DACH2: variants seen among roughly 807,000 people sequenced by gnomAD.
DACH2 encodes the protein dachshund family transcription factor 2, also known as dachshund homolog 2.
DACH2 carries 17 observed loss-of-function variants against 35.8 expected under a neutral mutation model. The observed-to-expected ratio is 0.48, with a 90% CI of 0.33 to 0.71. The LOEUF is 0.71. Among genes scored for constraint, DACH2 ranks in the 30% least tolerant of loss-of-function variants. The pLI is 0.02. For synonymous variants in DACH2, 195 were observed against 177.3 expected, an observed-to-expected ratio of 1.10 and a Z score of -0.79; for missense variants, 469 against 472.7, an observed-to-expected ratio of 0.99 and a Z score of 0.07.
chrX:86,375,210 T>C (rs1277178076), intron 1 of DACH2, among the ~76,000 whole-genome samples: 2 of 107,456 alleles, frequency 1.9e-5, no homozygotes, highest in African/African-American at 3.4e-5. Context: ...TATATATTCA[T>C]TGAATAATTC....
At chrX:86,187,781 G>C (rs1287158462) in intron 1 of DACH2, among the ~76,000 whole-genome samples, 1 of 110,848 alleles carries the variant, frequency 9.0e-6, no homozygotes, top group Non-Finnish European at 1.9e-5. Flanking sequence ...TCCAATTTGA[G>C]ACTATGAAGG....
chrX:86,795,525 G>A (rs1181212975), intron 7 of DACH2, among the ~76,000 whole-genome samples: 3 of 112,062 alleles, frequency 2.7e-5, no homozygotes, highest in East Asian at 2.8e-4. Flanking sequence ...TAGCCACCGC[G>A]CCCGGCCGCA....
Position 86,813,153 on chromosome X carries a change from T to C in DACH2, c.1413T>C (p.Asp471=). 1 of 1,208,226 alleles carries C rather than the reference T, an allele frequency of 8.3e-7. No homozygotes were observed. The highest frequency in any genetic ancestry group is 1.1e-6 in the Non-Finnish European group (1 of 894,111). Residue 471 remains aspartate (D), a synonymous_variant, in exon 9 of 12, where the codon GAT becomes GAC. Transcript: ENST00000373125. ...NIQGLLKVAL[D]NARIQEKQIQ... ...AGGGTCTGCTGAAAGTTGCTTTGGA[T>C]AATGCTCGCATCCAGGAGAAGCAGA...
At chrX:86,607,825 A>G (rs1436776483) in intron 3 of DACH2, among the ~76,000 whole-genome samples, 5 of 100,775 alleles carry the variant, frequency 5.0e-5, no homozygotes, top group Non-Finnish European at 8.0e-5. Flanking sequence ...ATTCTCACCT[A>G]TAAGTGAGAA....
intron 3 of DACH2, among the ~76,000 whole-genome samples, chrX:86,524,307 T>C (rs1290059049): frequency 8.9e-6 from 1 of 111,765 alleles, no homozygotes; most frequent in Non-Finnish European, 1.9e-5. Flanking sequence ...ATGAGAGGAG[T>C]GAAAGCAGTG....
At chrX:86,659,183 G>A (rs1407265756) in intron 4 of DACH2, among the ~76,000 whole-genome samples, 1 of 109,749 alleles carries the variant, frequency 9.1e-6, no homozygotes, top group South Asian at 3.9e-4. Flanking sequence ...GTTTTGAGAG[G>A]GTTTTTTTTT....
chrX:86,562,381 G>T (rs914913313), intron 3 of DACH2, among the ~76,000 whole-genome samples: 9 of 111,177 alleles, frequency 8.1e-5, no homozygotes, highest in African/African-American at 2.9e-4. Flanking sequence ...AAAGAACGTG[G>T]GATGCCATCC....
At chrX:86,646,034 T>C (rs1404021855) in intron 3 of DACH2, among the ~76,000 whole-genome samples, 1 of 111,498 alleles carries the variant, frequency 9.0e-6, no homozygotes, top group Non-Finnish European at 1.9e-5. Context: ...CTTTCTCATG[T>C]ACCCCCAAGC....
intron 7 of DACH2, among the ~76,000 whole-genome samples, chrX:86,806,145 TAAAGA>T (rs775349869): frequency 8.1e-4 from 90 of 111,449 alleles, no homozygotes; most frequent in African/African-American, 2.8e-3. Context: ...GGGTAACTTA[TAAAGA>T]AAACAGGTTT....
chrX:86,227,812 CAATA>C (rs2032859522), intron 1 of DACH2, among the ~76,000 whole-genome samples: 1 of 110,493 alleles, frequency 9.1e-6, no homozygotes, highest in South Asian at 3.8e-4. Context: ...AAAACACTAA[CAATA>C]TTTAACCTGA....
intron 1 of DACH2, among the ~76,000 whole-genome samples, chrX:86,163,892 G>A (rs1027501561): frequency 2.7e-5 from 3 of 111,210 alleles, no homozygotes; most frequent in Admixed American, 9.6e-5. Context: ...GAACAGACAC[G>A]TGCATGTGTC....
intron 4 of DACH2, among the ~76,000 whole-genome samples, chrX:86,676,632 C>T (rs1240340542): frequency 2.7e-5 from 3 of 111,433 alleles, no homozygotes; most frequent in East Asian, 5.6e-4. Context: ...ATGTGTCCAG[C>T]GGCTACTATA....
intron 3 of DACH2, among the ~76,000 whole-genome samples, chrX:86,621,860 T>TATAAA (rs750945852): frequency 6.2e-5 from 7 of 112,294 alleles, no homozygotes; most frequent in East Asian, 2.8e-4. Flanking sequence ...ACTGTTGTTT[T>TATAAA]AGTTCATGGA....
chrX:86,442,390 TG>T (rs1333517740), intron 2 of DACH2, among the ~76,000 whole-genome samples: 93 of 101,070 alleles, frequency 9.2e-4, no homozygotes, highest in Non-Finnish European at 1.4e-3. Flanking sequence ...TGTGTGTGTA[TG>T]TTTTTTTTTT....
At chrX:86,359,084 C>CTTATGT (rs200413091) in intron 1 of DACH2, among the ~76,000 whole-genome samples, 31,862 of 98,104 alleles carry the variant, frequency 0.32, 3,924 homozygotes, top group Admixed American at 0.45. Context: ...TATATTTTGT[C>CTTATGT]GTGTGTGTGT....
intron 3 of DACH2, among the ~76,000 whole-genome samples, chrX:86,546,342 TTCTTCTTCTTCTTCC>T (rs1254465697): frequency 2.4e-5 from 2 of 81,902 alleles, no homozygotes; most frequent in South Asian, 6.1e-4. Flanking sequence ...CTTCTTCCTC[TTCTTCTTCTTCTTCC>T]TCTTCTTCTT....
chrX:86,805,555 G>T (rs2042336389), intron 7 of DACH2, among the ~76,000 whole-genome samples: 1 of 108,658 alleles, frequency 9.2e-6, no homozygotes, highest in African/African-American at 3.6e-5. Context: ...ACCAGAAAAT[G>T]GGCTTTTTTT....
chrX:86,732,683 G>A (rs1180785391), intron 6 of DACH2, among the ~76,000 whole-genome samples: 2 of 112,221 alleles, frequency 1.8e-5, no homozygotes. Flanking sequence ...GTGAGATAAA[G>A]CATGTTAACA....
chrX:86,817,134 T>C (rs1394001433), intron 11 of DACH2, among the ~76,000 whole-genome samples: 1 of 111,965 alleles, frequency 8.9e-6, no homozygotes, highest in Non-Finnish European at 1.9e-5. Flanking sequence ...TCATGGATAC[T>C]CTAGTGATGC....
Sources: allele counts gnomAD v4.1 joint callset (sites outside exome capture counted in the v4.1 genomes callset), GRCh38; gene constraint gnomAD v4.1.1; transcripts MANE v1.5; gene names NCBI Gene and HGNC (gene_info 2026-07-23, HGNC 2026-07-21).